The following SORBS2 variants were observed in gnomAD, a reference collection of about 807,000 sequenced individuals.
SORBS2 encodes sorbin and SH3 domain-containing protein 2.
SORBS2 carries 46 observed loss-of-function variants against 97.7 expected under a neutral mutation model. The ratio of observed to expected loss-of-function variants is 0.47; its 90% CI spans 0.37 to 0.60. The LOEUF (loss-of-function observed/expected upper bound fraction) is 0.60, where lower values mean the gene tolerates loss of function less well. SORBS2 is among the 20% of genes least tolerant of loss of function. The pLI, the probability that SORBS2 is intolerant of heterozygous loss-of-function variation, is 0.00. For synonymous variants in SORBS2, 476 were observed against 473.4 expected (o/e 1.01, Z -0.07); for missense variants, 1,316 against 1,282.3 (o/e 1.03, Z -0.40).
intron 2 of SORBS2, among the ~76,000 whole-genome samples, chr4:185,706,550 A>G (rs2153539423): frequency 6.6e-6 from 1 of 151,910 alleles, no homozygotes; most frequent in Middle Eastern, 3.4e-3. Context: ...TCCTTCTGTC[A>G]CTAAACATCT....
At chr4:185,856,620 T>A (rs556174117) in intron 1 of SORBS2, among the ~76,000 whole-genome samples, 1 of 152,290 alleles carries the variant, frequency 6.6e-6, no homozygotes, top group African/African-American at 2.4e-5. Flanking sequence ...GTTTGAAATA[T>A]GCCCCAAATT....
chr4:185,892,509 G>A (rs1244711573), intron 1 of SORBS2, among the ~76,000 whole-genome samples: 1 of 152,204 alleles, frequency 6.6e-6, no homozygotes, highest in Admixed American at 6.5e-5. Context: ...CCAAAAGGTG[G>A]AAACAACTCA....
intron 2 of SORBS2, among the ~76,000 whole-genome samples, chr4:185,719,443 T>G (rs201064288): frequency 6.6e-6 from 1 of 152,232 alleles, no homozygotes; most frequent in Non-Finnish European, 1.5e-5. Context: ...TTGTGACATA[T>G]AGAGTAACAG....
At chr4:185,670,626 T>G (rs2097698751) in intron 4 of SORBS2, among the ~76,000 whole-genome samples, 2 of 150,116 alleles carry the variant, frequency 1.3e-5, no homozygotes, top group Non-Finnish European at 1.5e-5. Context: ...TTTTTTGGAG[T>G]CTTGCTCTCG....
chr4:185,785,832 A>G (rs979438862), intron 1 of SORBS2, among the ~76,000 whole-genome samples: 3 of 152,172 alleles, frequency 2.0e-5, no homozygotes, highest in Non-Finnish European at 4.4e-5. Flanking sequence ...TCCTCGAATT[A>G]GCTCCCTGGT....
chr4:185,862,474 G>C (rs1393584535), intron 1 of SORBS2, among the ~76,000 whole-genome samples: 1 of 152,230 alleles, frequency 6.6e-6, no homozygotes, highest in Non-Finnish European at 1.5e-5. Flanking sequence ...GTCCAGGCTC[G>C]CCATGATGGC....
At chr4:185,654,251 A>G (rs2097360230) in intron 1 of SORBS2, among the ~76,000 whole-genome samples, 1 of 152,236 alleles carries the variant, frequency 6.6e-6, no homozygotes, top group Admixed American at 6.5e-5. Flanking sequence ...GCAAAGGTCT[A>G]TTATTTGCTG....
intron 2 of SORBS2, among the ~76,000 whole-genome samples, chr4:185,709,473 T>C (rs1583196763): frequency 6.6e-6 from 1 of 152,112 alleles, no homozygotes; most frequent in Non-Finnish European, 1.5e-5. Context: ...CAAGTGTTGG[T>C]AATACATGTT....
intron 1 of SORBS2, among the ~76,000 whole-genome samples, chr4:185,790,891 T>G (rs945409828): frequency 3.3e-5 from 5 of 152,208 alleles, no homozygotes; most frequent in Non-Finnish European, 5.9e-5. Context: ...TGTTCCACAT[T>G]GTGTCAATGG....
At chr4:185,875,210 T>C (rs6552932) in intron 1 of SORBS2, among the ~76,000 whole-genome samples, 65,347 of 151,950 alleles carry the variant, frequency 0.43, 15,279 homozygotes, top group East Asian at 0.72. Context: ...GTAAATATAG[T>C]TAATAACAAT....
rs76612914 is a variant in SORBS2, at chr4:185,899,614, C to T, written c.-338+56582G>A. 3.7e-4 allele frequency among the ~76,000 whole-genome samples: 56 copies of T among 152,162 alleles called. 1 individual carries two copies. The East Asian group carries it at 4.1e-3, about 11-fold the overall frequency. On this transcript the variant is annotated intron_variant, in intron 1 of 20. Coordinates refer to the SORBS2 transcript ENST00000284776. The stretch of plus-strand genomic sequence containing the variant: ...TTTAAACCCACCTAACAACCAACTA[C>T]GCAACATGCCCAGGCACTCCCAGAG...
chr4:185,876,145 T>C (rs56977523), intron 1 of SORBS2, among the ~76,000 whole-genome samples: 53,944 of 151,962 alleles, frequency 0.35, 9,751 homozygotes, highest in East Asian at 0.55. Flanking sequence ...AGTCCCACTG[T>C]CACCCAGGCT....
intron 7 of SORBS2, among the ~76,000 whole-genome samples, chr4:185,622,498 ATTAT>A (rs1392170916): frequency 6.6e-6 from 1 of 152,234 alleles, no homozygotes; most frequent in African/African-American, 2.4e-5. Context: ...AATGTGACAA[ATTAT>A]TTATTAACTG....
chr4:185,816,717 G>T (rs995008494), intron 1 of SORBS2, among the ~76,000 whole-genome samples: 3 of 152,202 alleles, frequency 2.0e-5, no homozygotes, highest in African/African-American at 7.2e-5. Context: ...AATCAGAGGT[G>T]CCCAAAACCA....
At chr4:185,852,663 C>T (rs1336717546) in intron 1 of SORBS2, among the ~76,000 whole-genome samples, 1 of 152,048 alleles carries the variant, frequency 6.6e-6, no homozygotes, top group Admixed American at 6.6e-5. Flanking sequence ...TGTGGGCTGC[C>T]AAATTCTAGC....
intron 1 of SORBS2, among the ~76,000 whole-genome samples, chr4:185,943,010 A>T (rs560014940): frequency 1.3e-5 from 2 of 152,348 alleles, no homozygotes; most frequent in African/African-American, 4.8e-5. Context: ...TTCCACAGAT[A>T]ATCTGTTTGA....
At chr4:185,722,387 A>T (rs1373411328) in intron 2 of SORBS2, among the ~76,000 whole-genome samples, 1 of 152,238 alleles carries the variant, frequency 6.6e-6, no homozygotes, top group Non-Finnish European at 1.5e-5. Flanking sequence ...ATTATCATTC[A>T]TGTGGGCATT....
intron 1 of SORBS2, among the ~76,000 whole-genome samples, chr4:185,807,706 G>GC: frequency 6.6e-6 from 1 of 152,176 alleles, no homozygotes; most frequent in Non-Finnish European, 1.5e-5. Flanking sequence ...TCCATGTCTT[G>GC]AGTTTTTCAG....
At chr4:185,682,846 A>C (rs1199517100) in intron 2 of SORBS2, among the ~76,000 whole-genome samples, 1 of 151,844 alleles carries the variant, frequency 6.6e-6, no homozygotes, top group Admixed American at 6.6e-5. Flanking sequence ...CCAGGTCTCT[A>C]CTAAAAAAAA....
Sources: allele counts gnomAD v4.1 joint callset (sites outside exome capture counted in the v4.1 genomes callset), GRCh38; gene constraint gnomAD v4.1.1; transcripts MANE v1.5; gene names NCBI Gene and HGNC (gene_info 2026-07-23, HGNC 2026-07-21).